Variants in PAX2 observed in about 807,000 individuals in gnomAD.
The protein encoded by PAX2 is paired box protein Pax-2.
PAX2 carries 9 observed loss-of-function variants against 41.7 expected under a neutral mutation model. That is an observed-to-expected ratio of 0.22 (90% CI 0.13 to 0.38). PAX2 has a LOEUF of 0.38. Among genes scored for constraint, PAX2 ranks in the 10% least tolerant of loss-of-function variants. The pLI is 1.00. For synonymous variants in PAX2, 221 were observed against 212.7 expected (o/e 1.04, Z -0.34); for missense variants, 418 against 531.6 (o/e 0.79, Z 2.10).
intron 7 of PAX2, among the ~76,000 whole-genome samples, chr10:100,820,357 C>T (rs1848337497): frequency 6.6e-6 from 1 of 152,136 alleles, no homozygotes; most frequent in Non-Finnish European, 1.5e-5. Context: ...CATCTTTGTG[C>T]CTTCATTGTC....
At chr10:100,789,888 G>A (rs1399793226) in intron 5 of PAX2, among the ~76,000 whole-genome samples, 1 of 152,232 alleles carries the variant, frequency 6.6e-6, no homozygotes, top group Non-Finnish European at 1.5e-5. Flanking sequence ...TCATTATCCA[G>A]AGGTAGGTGT....
At chr10:100,819,234 C>A (rs1434862912) in intron 7 of PAX2, among the ~76,000 whole-genome samples, 4 of 140,564 alleles carry the variant, frequency 2.8e-5, no homozygotes, top group African/African-American at 5.3e-5. Context: ...GGAGACAGAG[C>A]AAGACTCTGT....
chr10:100,737,544 G>A (rs1189632778), intron 1 of PAX2, among the ~76,000 whole-genome samples: 1 of 152,264 alleles, frequency 6.6e-6, no homozygotes, highest in Admixed American at 6.5e-5. Flanking sequence ...GGAAAGGCGG[G>A]GGGGAGCTGC....
chr10:100,790,781 C>T (rs1847083620), intron 5 of PAX2, among the ~76,000 whole-genome samples: 1 of 152,210 alleles, frequency 6.6e-6, no homozygotes, highest in African/African-American at 2.4e-5. Context: ...CCCCTCCTGC[C>T]CTGCCTTCCT....
intron 5 of PAX2, among the ~76,000 whole-genome samples, chr10:100,796,547 G>A (rs1039442581): frequency 6.6e-6 from 1 of 151,960 alleles, no homozygotes; most frequent in South Asian, 2.1e-4. Flanking sequence ...CTCCCTTTAT[G>A]CTGTCAGGTT....
chr10:100,814,445 C>T (rs917427483), intron 7 of PAX2, among the ~76,000 whole-genome samples: 7 of 151,366 alleles, frequency 4.6e-5, no homozygotes, highest in African/African-American at 1.7e-4. Context: ...CCACTGCTCA[C>T]CAAATTGTCA....
Position 100,793,768 on chromosome 10 carries a change from G to A in PAX2, c.616+12403G>A, listed in dbSNP as rs905408329. ...GGTGTGTAAATCGGTAGGATACTGA[G>A]GAAACTGACACCTTCCTCTCTGGCC... On this transcript the variant is annotated intron_variant, in intron 5 of 9. Coordinates refer to ENST00000355243, the MANE Select transcript of PAX2 (RefSeq NM_000278.5). Among the ~76,000 whole-genome samples the A allele has an allele frequency of 4.6e-5, 7 of 152,162 alleles. No individual in the cohort carries two copies. The South Asian group carries it at 6.2e-4, about 14-fold the overall frequency.
At chr10:100,776,488 T>C (rs1298003797) in intron 3 of PAX2, among the ~76,000 whole-genome samples, 1 of 152,242 alleles carries the variant, frequency 6.6e-6, no homozygotes, top group Non-Finnish European at 1.5e-5. Flanking sequence ...TCCTCTGCAA[T>C]TAATTCTCTG....
At chr10:100,760,984 G>T (rs867190372) in intron 3 of PAX2, among the ~76,000 whole-genome samples, 4 of 152,170 alleles carry the variant, frequency 2.6e-5, no homozygotes, top group Admixed American at 6.5e-5. Context: ...GGTGTGACTG[G>T]GGTTGGGACT....
intron 3 of PAX2, among the ~76,000 whole-genome samples, chr10:100,765,696 C>T (rs1487460689): frequency 1.3e-5 from 2 of 152,180 alleles, no homozygotes; most frequent in East Asian, 3.8e-4. Flanking sequence ...TGTCAATCCC[C>T]AGCCCCTGCC....
At chr10:100,739,660 C>T (rs1049243526) in intron 1 of PAX2, among the ~76,000 whole-genome samples, 35 of 152,332 alleles carry the variant, frequency 2.3e-4, no homozygotes, top group African/African-American at 8.4e-4. Context: ...TGGCCCTGCT[C>T]TCCGTTCCCT....
At chr10:100,744,643 C>G (rs371263684), upstream of PAX2, among the ~76,000 whole-genome samples, 6 of 152,348 alleles carry the variant, frequency 3.9e-5, no homozygotes, top group South Asian at 1.2e-3. Context: ...GGAGAGCCAG[C>G]CTCGTCTCCC....
At chr10:100,782,111 G>A (rs1564724203) in intron 5 of PAX2, among the ~76,000 whole-genome samples, 1 of 152,150 alleles carries the variant, frequency 6.6e-6, no homozygotes, top group African/African-American at 2.4e-5. Flanking sequence ...GCGTGAAGCT[G>A]GGGCACAGGG....
rs1433273260 is a variant in PAX2, at chr10:100,749,842, A to G, written c.140A>G (p.Gln47Arg). The change falls in exon 2 of 10, where the codon CAG becomes CGG. Residue 47 changes from glutamine to arginine, a missense_variant. Gln to Arg is a conservative substitution (Grantham distance 43). Coordinates refer to ENST00000355243, the MANE Select transcript of PAX2 (RefSeq NM_000278.5). ...VRQRIVELAH[Q>R]GVRPCDISRQ... is the part of the protein sequence containing the mutation. ...CAGCGCATCGTGGAGCTGGCCCACC[A>G]GGGTGTGCGGCCCTGTGACATCTCC... 3.7e-6 allele frequency: 6 copies of G among 1,611,966 alleles called. No homozygotes were observed. The highest frequency in any genetic ancestry group is 5.1e-6 in the Non-Finnish European group (6 of 1,179,290).
intron 3 of PAX2, among the ~76,000 whole-genome samples, chr10:100,757,997 C>T (rs1440237254): frequency 6.6e-6 from 1 of 152,188 alleles, no homozygotes; most frequent in African/African-American, 2.4e-5. Flanking sequence ...CCCCTCATGG[C>T]ACATCCGCAA....
intron 3 of PAX2, among the ~76,000 whole-genome samples, chr10:100,760,978 T>G (rs1212704400): frequency 6.6e-6 from 1 of 152,058 alleles, no homozygotes; most frequent in Non-Finnish European, 1.5e-5. Flanking sequence ...GAAGGAGGTG[T>G]GACTGGGGTT....
chr10:100,797,969 C>T (rs1046393621), intron 5 of PAX2, among the ~76,000 whole-genome samples: 5 of 152,156 alleles, frequency 3.3e-5, no homozygotes, highest in Non-Finnish European at 7.3e-5. Context: ...TATTCATGAA[C>T]TCACTGAGTG....
rs1464274347 is a variant in PAX2, at chr10:100,764,829, G to A, written c.410+13938G>A. On this transcript the variant is annotated intron_variant, in intron 3 of 9. Coordinates refer to ENST00000355243, the MANE Select transcript of PAX2 (RefSeq NM_000278.5). ...TTTGCATTTTGTAGTTTTTTTAAAA[G>A]ATAAAATGAAATGGTAGTGGGGAAA... 2.0e-5 allele frequency among the ~76,000 whole-genome samples: 3 copies of A among 152,102 alleles called. No homozygotes were observed. The East Asian group carries it at 5.8e-4, about 29-fold the overall frequency.
intron 6 of PAX2, among the ~76,000 whole-genome samples, chr10:100,808,480 G>A (rs964650030): frequency 5.3e-5 from 8 of 152,150 alleles, no homozygotes; most frequent in South Asian, 2.1e-4. Context: ...TGGCTTGGCC[G>A]TGGCTGCAAT....
Sources: allele counts gnomAD v4.1 joint callset (sites outside exome capture counted in the v4.1 genomes callset), GRCh38; gene constraint gnomAD v4.1.1; transcripts MANE v1.5; gene names NCBI Gene and HGNC (gene_info 2026-07-23, HGNC 2026-07-21).